LRMDA: variants seen among roughly 807,000 people sequenced by gnomAD.
The protein encoded by LRMDA is leucine-rich melanocyte differentiation-associated protein.
LRMDA carries 18 observed loss-of-function variants against 29.8 expected under a neutral mutation model. The ratio of observed to expected loss-of-function variants is 0.60; its 90% CI spans 0.42 to 0.90. The LOEUF (loss-of-function observed/expected upper bound fraction) is 0.90, where lower values mean the gene tolerates loss of function less well. Ranked by LOEUF, LRMDA falls within the 40% of genes least tolerant of loss-of-function variation. The probability of loss-of-function intolerance (pLI) is 0.00; values close to 1 mark genes in which losing one functional copy is unlikely to be tolerated. For missense variants in LRMDA, 273 were observed against 273.9 expected, an observed-to-expected ratio of 1.00 and a Z score of 0.02; for synonymous variants, 125 against 109.4, an observed-to-expected ratio of 1.14 and a Z score of -0.89.
At chr10:76,079,644 G>A (rs545581334) in intron 5 of LRMDA, among the ~76,000 whole-genome samples, 8 of 152,262 alleles carry the variant, frequency 5.3e-5, no homozygotes, top group African/African-American at 1.9e-4. Context: ...AAAGGGAAAG[G>A]CCCAAGAAGT....
intron 6 of LRMDA, among the ~76,000 whole-genome samples, chr10:76,375,293 T>G (rs567129791): frequency 7.0e-6 from 1 of 142,040 alleles, no homozygotes; most frequent in African/African-American, 2.6e-5. Context: ...AAAGGACTTA[T>G]GTTTTGGAAA....
chr10:76,167,538 A>G (rs4360646), intron 5 of LRMDA, among the ~76,000 whole-genome samples: 27,968 of 152,104 alleles, frequency 0.18, 3,059 homozygotes, highest in East Asian at 0.52. Flanking sequence ...TGTTTTGTCC[A>G]ATTTGTCAAA....
Position 76,497,627 on chromosome 10 carries a change from G to A in LRMDA, c.602-59582G>A, listed in dbSNP as rs1178404491. ...TTTGAAGAGGAAACCAACCAACCAAGTTTATATCTTGAAATTACTATCTGT... is the reference window on the plus strand; with the variant it reads ...TTTGAAGAGGAAACCAACCAACCAAATTTATATCTTGAAATTACTATCTGT... On this transcript the variant is annotated intron_variant, in intron 6 of 6. Coordinates refer to ENST00000611255, the MANE Select transcript of LRMDA (RefSeq NM_001305581.2). Among the ~76,000 whole-genome samples, 3 of 75,464 alleles carry A rather than the reference G, an allele frequency of 4.0e-5. 1 individual carries two copies. The highest frequency in any genetic ancestry group is 9.7e-5 in the African/African-American group (3 of 31,022). 49.5% of individuals were successfully genotyped at this position (75,464 alleles called of 152,430 possible).
chr10:76,301,827 G>A (rs544103600), intron 5 of LRMDA, among the ~76,000 whole-genome samples: 20 of 152,244 alleles, frequency 1.3e-4, no homozygotes, highest in East Asian at 1.2e-3. Context: ...AAATACGATC[G>A]CGCTAGAGAT....
At chr10:76,346,451 G>A (rs1382984424) in intron 6 of LRMDA, 2 of 152,094 alleles carry the variant, frequency 1.3e-5, no homozygotes, top group South Asian at 2.1e-4. Flanking sequence ...CCAGTGTTGA[G>A]AATCCACAGT....
intron 5 of LRMDA, among the ~76,000 whole-genome samples, chr10:76,271,141 C>T (rs1840063603): frequency 6.6e-6 from 1 of 152,240 alleles, no homozygotes; most frequent in African/African-American, 2.4e-5. Flanking sequence ...GGCTAGGCGG[C>T]TCACGCCTGT....
intron 6 of LRMDA, among the ~76,000 whole-genome samples, chr10:76,366,263 T>C (rs1020208932): frequency 1.3e-5 from 2 of 152,192 alleles, no homozygotes; most frequent in Non-Finnish European, 2.9e-5. Context: ...AATTGTTTTT[T>C]CTAATTCTGT....
intron 5 of LRMDA, among the ~76,000 whole-genome samples, chr10:76,283,652 T>A (rs1840234535): frequency 6.6e-6 from 1 of 152,180 alleles, no homozygotes; most frequent in Non-Finnish European, 1.5e-5. Context: ...TTAATCCTCA[T>A]AACAACCCCA....
chr10:76,460,067 C>T (rs1224500533), intron 6 of LRMDA, among the ~76,000 whole-genome samples: 2 of 152,314 alleles, frequency 1.3e-5, no homozygotes, highest in South Asian at 4.1e-4. Context: ...GTCTGGTGTT[C>T]AAAGCCTTTC....
intron 5 of LRMDA, among the ~76,000 whole-genome samples, chr10:76,321,913 C>A: frequency 6.6e-6 from 1 of 151,948 alleles, no homozygotes; most frequent in East Asian, 1.9e-4. Flanking sequence ...CCACTGTATT[C>A]CAGCCTGGGC....
intron 2 of LRMDA, among the ~76,000 whole-genome samples, chr10:75,830,897 G>C (rs1171703602): frequency 1.3e-5 from 2 of 152,284 alleles, no homozygotes; most frequent in South Asian, 4.1e-4. Context: ...CCACCTATGA[G>C]CCTGTAAAAT....
At chr10:76,329,685 G>A (rs566164801) in intron 6 of LRMDA, among the ~76,000 whole-genome samples, 1 of 152,258 alleles carries the variant, frequency 6.6e-6, no homozygotes, top group South Asian at 2.1e-4. Context: ...CTGTCACAAA[G>A]TAATTTATAT....
chr10:76,335,321 G>A (rs556028850), intron 6 of LRMDA, among the ~76,000 whole-genome samples: 12 of 152,246 alleles, frequency 7.9e-5, no homozygotes, highest in Admixed American at 4.6e-4. Flanking sequence ...GATTTATACC[G>A]AGGATGAGAT....
intron 2 of LRMDA, among the ~76,000 whole-genome samples, chr10:75,456,601 C>A (rs565509845): frequency 6.6e-6 from 1 of 152,342 alleles, no homozygotes; most frequent in South Asian, 2.1e-4. Context: ...CAGGGTTACA[C>A]ACTAGGTAGG....
chr10:75,468,251 G>C (rs887940346), intron 2 of LRMDA, among the ~76,000 whole-genome samples: 1 of 152,080 alleles, frequency 6.6e-6, no homozygotes, highest in South Asian at 2.1e-4. Flanking sequence ...TTTGCTTCCC[G>C]TGGTCTTTAG....
chr10:76,170,986 A>T (rs918203588), intron 5 of LRMDA, among the ~76,000 whole-genome samples: 2 of 152,234 alleles, frequency 1.3e-5, no homozygotes, highest in African/African-American at 4.8e-5. Flanking sequence ...AACTATTATG[A>T]GTATATGTAC....
At chr10:76,028,857 G>A (rs991217523) in intron 2 of LRMDA, among the ~76,000 whole-genome samples, 12 of 139,394 alleles carry the variant, frequency 8.6e-5, no homozygotes, top group East Asian at 8.5e-4. Context: ...TCACTCTGTC[G>A]CCAGGCTGAA....
chr10:75,942,077 T>C (rs750952480), intron 2 of LRMDA, among the ~76,000 whole-genome samples: 1 of 152,130 alleles, frequency 6.6e-6, no homozygotes, highest in Non-Finnish European at 1.5e-5. Context: ...ATCCTGCCAG[T>C]GGGATGGAGG....
At chr10:76,425,497 C>T (rs935781364) in intron 6 of LRMDA, among the ~76,000 whole-genome samples, 2 of 151,706 alleles carry the variant, frequency 1.3e-5, no homozygotes, top group African/African-American at 4.8e-5. Flanking sequence ...ATAAAATCTA[C>T]CTTGAAGGAT....
Sources: allele counts gnomAD v4.1 joint callset (sites outside exome capture counted in the v4.1 genomes callset), GRCh38; gene constraint gnomAD v4.1.1; transcripts MANE v1.5; gene names NCBI Gene and HGNC (gene_info 2026-07-23, HGNC 2026-07-21).